The following SORCS1 variants were observed in gnomAD, a reference collection of about 807,000 sequenced individuals.
The protein encoded by SORCS1 is VPS10 domain-containing receptor SorCS1.
Under a neutral mutation model 146.1 loss-of-function variants are expected in SORCS1, and 60 were observed. The observed-to-expected ratio is 0.41, with a 90% confidence interval of 0.33 to 0.51. The LOEUF (loss-of-function observed/expected upper bound fraction) is 0.51. Among genes scored for constraint, SORCS1 ranks in the 20% least tolerant of loss-of-function variants. SORCS1 has a pLI of 0.21. For synonymous variants in SORCS1, 637 were observed against 584.0 expected, an observed-to-expected ratio of 1.09 and a Z score of -1.31; for missense variants, 1,352 against 1,487.6, an observed-to-expected ratio of 0.91 and a Z score of 1.50.
At chr10:106,834,992 G>A (rs2152677) in intron 2 of SORCS1, among the ~76,000 whole-genome samples, 6,362 of 152,106 alleles carry the variant, frequency 0.042, 411 homozygotes, top group African/African-American at 0.14. Flanking sequence ...CTTACACTAC[G>A]TTTTTACAAA....
At chr10:106,832,336 A>T (rs573144542) in intron 2 of SORCS1, among the ~76,000 whole-genome samples, 5 of 151,982 alleles carry the variant, frequency 3.3e-5, no homozygotes, top group Non-Finnish European at 5.9e-5. Context: ...TTACAGGCAC[A>T]CATCACCACA....
chr10:107,174,352 C>T, the SORCS1 span, among the ~76,000 whole-genome samples: 2 of 152,030 alleles, frequency 1.3e-5, no homozygotes, highest in African/African-American at 2.4e-5. Context: ...ACTACAGGCG[C>T]CCGCCACCAT....
chr10:106,578,874 A>G (rs1844722713), intron 25 of SORCS1: 1 of 1,394,854 alleles, frequency 7.2e-7, no homozygotes. Flanking sequence ...AAAAGGAGGA[A>G]TAAACTAATG....
intron 1 of SORCS1, among the ~76,000 whole-genome samples, chr10:107,024,033 G>A (rs1958273820): frequency 6.6e-6 from 1 of 152,094 alleles, no homozygotes; most frequent in South Asian, 2.1e-4. Flanking sequence ...AATTAGCCGG[G>A]CATGGTGGCG....
intron 1 of SORCS1, among the ~76,000 whole-genome samples, chr10:107,146,780 G>C (rs1386638323): frequency 1.3e-5 from 2 of 152,056 alleles, no homozygotes; most frequent in Non-Finnish European, 2.9e-5. Context: ...CTTTCTATGT[G>C]ACCTTGGGTG....
intron 2 of SORCS1, among the ~76,000 whole-genome samples, chr10:106,914,135 C>T (rs79081472): frequency 6.6e-6 from 1 of 152,176 alleles, no homozygotes; most frequent in South Asian, 2.1e-4. Context: ...TGACATTGAG[C>T]TTGCTTCCTC....
intron 1 of SORCS1, among the ~76,000 whole-genome samples, chr10:107,124,253 T>A (rs915577108): frequency 6.6e-6 from 1 of 152,136 alleles, no homozygotes; most frequent in East Asian, 1.9e-4. Flanking sequence ...GGAAGAGATA[T>A]GTGTTCAGCT....
intron 2 of SORCS1, among the ~76,000 whole-genome samples, chr10:106,886,240 T>C (rs1268108811): frequency 3.3e-5 from 5 of 152,066 alleles, no homozygotes; most frequent in African/African-American, 1.2e-4. Context: ...ACAGCCTGGG[T>C]GACAAGAGTG....
At chr10:106,994,564 T>C (rs1431226798) in intron 1 of SORCS1, among the ~76,000 whole-genome samples, 2 of 152,246 alleles carry the variant, frequency 1.3e-5, no homozygotes, top group African/African-American at 2.4e-5. Context: ...TCAATTTAAA[T>C]GGCAATTTTG....
intron 2 of SORCS1, among the ~76,000 whole-genome samples, chr10:106,869,713 T>C (rs1323743820): frequency 6.6e-6 from 1 of 152,102 alleles, no homozygotes; most frequent in African/African-American, 2.4e-5. Context: ...GAGCTATATA[T>C]GAAAAACCCA....
At chr10:106,588,376 C>T (rs1258035829) in intron 24 of SORCS1, among the ~76,000 whole-genome samples, 1 of 152,160 alleles carries the variant, frequency 6.6e-6, no homozygotes, top group Non-Finnish European at 1.5e-5. Context: ...CACAGGCTCT[C>T]CTTATTTAAT....
chr10:106,718,112 A>C lies in SORCS1; in HGVS notation c.1025-8771T>G, dbSNP rs560689295. Reference sequence around the variant, plus strand: ...CCTGGAATGATGACAAGGATAACTCATTATTCCAGAAAGAAGGAGCACTGG... The same window carrying C: ...CCTGGAATGATGACAAGGATAACTCCTTATTCCAGAAAGAAGGAGCACTGG... On this transcript the variant is annotated intron_variant, in intron 6 of 25. Coordinates refer to ENST00000263054, the MANE Select transcript of SORCS1 (RefSeq NM_052918.5). Among the ~76,000 whole-genome samples the C allele has an allele frequency of 2.0e-5, 3 of 152,370 alleles. No homozygotes were observed. In the South Asian group the frequency reaches 6.2e-4, roughly 32 times the overall value.
chr10:106,593,040 G>A (rs1373899079), intron 24 of SORCS1, among the ~76,000 whole-genome samples: 1 of 151,406 alleles, frequency 6.6e-6, no homozygotes, highest in Non-Finnish European at 1.5e-5. Context: ...TTGGGAGGCT[G>A]AGGGCTTGAG....
At chr10:107,118,676 C>A (rs1460883685) in intron 1 of SORCS1, among the ~76,000 whole-genome samples, 3 of 152,296 alleles carry the variant, frequency 2.0e-5, no homozygotes, top group East Asian at 3.9e-4. Flanking sequence ...CAGGTCTTTG[C>A]ACCCTTATCC....
chr10:107,078,425 T>C (rs908062622), intron 1 of SORCS1, among the ~76,000 whole-genome samples: 6 of 152,222 alleles, frequency 3.9e-5, no homozygotes, highest in African/African-American at 1.4e-4. Flanking sequence ...GAAGCCTGTT[T>C]GTGGACACTC....
At chr10:106,846,586 G>T (rs1949320683) in intron 2 of SORCS1, among the ~76,000 whole-genome samples, 1 of 7,114 alleles carries the variant, frequency 1.4e-4, no homozygotes, top group African/African-American at 5.1e-4. Context: ...TCCTTCTCCT[G>T]CCTGATTGCC....
chr10:106,831,715 CAA>C (rs1267348385), intron 2 of SORCS1, among the ~76,000 whole-genome samples: 1 of 152,030 alleles, frequency 6.6e-6, no homozygotes, highest in Non-Finnish European at 1.5e-5. Flanking sequence ...GCTGGAAATT[CAA>C]GATATTTCTT....
intron 2 of SORCS1, among the ~76,000 whole-genome samples, chr10:106,929,210 G>T (rs1365056036): frequency 6.6e-6 from 1 of 151,570 alleles, no homozygotes; most frequent in Non-Finnish European, 1.5e-5. Context: ...GATCAGAAGA[G>T]AATGAATTTT....
chr10:106,882,079 G>C (rs1010800100), intron 2 of SORCS1, among the ~76,000 whole-genome samples: 1 of 152,154 alleles, frequency 6.6e-6, no homozygotes, highest in African/African-American at 2.4e-5. Context: ...GTCATTCCCA[G>C]CTTCACCCAA....
Sources: gnomAD v4.1 joint callset for allele counts (sites outside exome capture counted in the v4.1 genomes callset) on GRCh38, gnomAD v4.1.1 for gene constraint, MANE v1.5 for transcripts, NCBI Gene and HGNC (gene_info 2026-07-23, HGNC 2026-07-21) for gene names.